The following TENM2 variants were observed in gnomAD, a reference collection of about 807,000 sequenced individuals.
TENM2 encodes teneurin transmembrane protein 2.
A neutral mutation model predicts 245.2 loss-of-function variants in TENM2; 52 were observed. The observed-to-expected ratio is 0.21, with a 90% confidence interval of 0.17 to 0.27. The LOEUF is 0.27. Ranked by LOEUF, TENM2 falls within the 10% of genes least tolerant of loss-of-function variation. The probability of loss-of-function intolerance (pLI) is 1.00; values close to 1 mark genes in which losing one functional copy is unlikely to be tolerated. For synonymous variants in TENM2, 1,363 were observed against 1,438.9 expected, an observed-to-expected ratio of 0.95 and a Z score of 1.19; for missense variants, 3,046 against 3,666.8, an observed-to-expected ratio of 0.83 and a Z score of 4.37.
intron 2 of TENM2, among the ~76,000 whole-genome samples, chr5:167,445,336 T>TAGAGAGAGAGAGAGAGAGAGAG (rs1554154174): frequency 2.8e-4 from 22 of 77,292 alleles, no homozygotes; most frequent in Admixed American, 4.3e-4. Flanking sequence ...TATATATATA[T>TAGAGAGAGAGAGAGAGAGAGAG]AGAGAGAGAG....
At chr5:167,691,850 G>C (rs138322570) in intron 2 of TENM2, among the ~76,000 whole-genome samples, 1 of 152,300 alleles carries the variant, frequency 6.6e-6, no homozygotes, top group East Asian at 1.9e-4. Flanking sequence ...TGGGGGCATA[G>C]CCCTGGTCCC....
At chr5:167,806,153 A>G (rs1440776826) in intron 2 of TENM2, among the ~76,000 whole-genome samples, 1 of 152,176 alleles carries the variant, frequency 6.6e-6, no homozygotes, top group East Asian at 1.9e-4. Flanking sequence ...GTGTCTCCAC[A>G]CCTTGCACAG....
At chr5:167,576,186 T>C (rs1280167781) in intron 2 of TENM2, among the ~76,000 whole-genome samples, 1 of 152,230 alleles carries the variant, frequency 6.6e-6, no homozygotes, top group Admixed American at 6.5e-5. Flanking sequence ...GCAGAAATAA[T>C]TTCATTGTAA....
intron 2 of TENM2, among the ~76,000 whole-genome samples, chr5:167,787,598 T>C (rs1352123076): frequency 6.6e-6 from 1 of 152,218 alleles, no homozygotes; most frequent in Non-Finnish European, 1.5e-5. Flanking sequence ...GAGAAAAGGC[T>C]TTCCTTTTCC....
At chr5:167,054,577 A>C in the TENM2 span, among the ~76,000 whole-genome samples, 1 of 152,206 alleles carries the variant, frequency 6.6e-6, no homozygotes, top group East Asian at 1.9e-4. Context: ...CATATGGTAA[A>C]AGTATATTTA....
At chr5:167,650,723 G>A (rs187953727) in intron 2 of TENM2, among the ~76,000 whole-genome samples, 32 of 152,198 alleles carry the variant, frequency 2.1e-4, no homozygotes, top group African/African-American at 6.3e-4. Flanking sequence ...TTTTTACTGT[G>A]AATATACAAG....
chr5:167,706,735 C>T (rs1323827132), intron 2 of TENM2, among the ~76,000 whole-genome samples: 1 of 151,738 alleles, frequency 6.6e-6, no homozygotes, highest in African/African-American at 2.4e-5. Flanking sequence ...GGTTGCCCGG[C>T]CGGGCGCGGT....
At chr5:167,518,864 A>G (rs1282399694) in intron 2 of TENM2, among the ~76,000 whole-genome samples, 3 of 152,118 alleles carry the variant, frequency 2.0e-5, no homozygotes, top group Non-Finnish European at 2.9e-5. Flanking sequence ...GGATGGGGGT[A>G]CAGAGGCTTC....
intron 2 of TENM2, among the ~76,000 whole-genome samples, chr5:167,623,884 C>T (rs767549273): frequency 2.0e-4 from 30 of 152,124 alleles, no homozygotes; most frequent in South Asian, 1.9e-3. Flanking sequence ...CATCTCACAC[C>T]AGTCAGAATG....
At chr5:167,471,142 TA>T (rs1767002062) in intron 2 of TENM2, among the ~76,000 whole-genome samples, 12 of 152,212 alleles carry the variant, frequency 7.9e-5, no homozygotes, top group Admixed American at 7.9e-4. Context: ...TAATCTATAT[TA>T]TGAAGGAAGA....
chr5:167,271,078 A>T, the TENM2 span, among the ~76,000 whole-genome samples: 1 of 152,092 alleles, frequency 6.6e-6, no homozygotes. Context: ...TTTCAATCTC[A>T]TTTACAGAGA....
chr5:167,878,573 CTGTGTGTGTGTG>C (rs10573629), intron 3 of TENM2, among the ~76,000 whole-genome samples: 4 of 150,022 alleles, frequency 2.7e-5, no homozygotes, highest in Admixed American at 6.6e-5. Context: ...GTGCTCACGT[CTGTGTGTGTGTG>C]TGTGTGTGTG....
chr5:167,093,139 A>AT, the TENM2 span, among the ~76,000 whole-genome samples: 8 of 151,520 alleles, frequency 5.3e-5, no homozygotes, highest in East Asian at 5.8e-4. Context: ...AAGAGGATTC[A>AT]TTTGGGGGAG....
At chr5:168,042,696 T>C (rs764196828) in intron 5 of TENM2, among the ~76,000 whole-genome samples, 2 of 152,134 alleles carry the variant, frequency 1.3e-5, no homozygotes, top group African/African-American at 2.4e-5. Context: ...GCAACTTCAA[T>C]AAGAAAATAT....
chr5:166,979,232 A>AGCAGCAGCAGCAGCAGCAGCAGCAGCC, the TENM2 span, among the ~76,000 whole-genome samples: 1 of 141,112 alleles, frequency 7.1e-6, no homozygotes. Flanking sequence ...CAGCAGCAGC[A>AGCAGCAGCAGCAGCAGCAGCAGCAGCC]GCAGCCGCCG....
At chr5:167,817,003 G>A (rs1282849211) in intron 2 of TENM2, among the ~76,000 whole-genome samples, 1 of 152,172 alleles carries the variant, frequency 6.6e-6, no homozygotes, top group Non-Finnish European at 1.5e-5. Context: ...GAATAAAACA[G>A]GGCCTTGTTA....
In TENM2 at chr5:167,776,598, A is replaced by G. The variant is rs1256522766; in HGVS notation, c.503-99388A>G. On this transcript the variant is annotated intron_variant, in intron 2 of 28. Transcript: ENST00000518659. The stretch of plus-strand genomic sequence containing the variant: ...CAGCAGATGAGACCCTGTCTGAAAA[A>G]AAAAAAAAAAAAAAAAAAAAAAAAA... Among the ~76,000 whole-genome samples the G allele has an allele frequency of 4.4e-4, 36 of 81,402 alleles. 2 individuals are homozygous for G. The highest frequency in any genetic ancestry group is 1.8e-3 in the African/African-American group (29 of 16,084). The allele number at this position is 81,402 out of a possible 152,430, so 53.4% of individuals were successfully genotyped here.
At chr5:167,263,077 C>T in the TENM2 span, among the ~76,000 whole-genome samples, 1 of 152,108 alleles carries the variant, frequency 6.6e-6, no homozygotes, top group African/African-American at 2.4e-5. Flanking sequence ...CTCTTAATAC[C>T]ACTATCTGAG....
the TENM2 span, among the ~76,000 whole-genome samples, chr5:167,139,049 T>C: frequency 6.6e-6 from 1 of 152,240 alleles, no homozygotes. Flanking sequence ...ATCATTCCTT[T>C]TTTGTTACAA....
Sources: gnomAD v4.1 joint callset for allele counts (sites outside exome capture counted in the v4.1 genomes callset) on GRCh38, gnomAD v4.1.1 for gene constraint, MANE v1.5 for transcripts, NCBI Gene and HGNC (gene_info 2026-07-23, HGNC 2026-07-21) for gene names.